The following SBF2 variants were observed in gnomAD, a reference collection of about 807,000 sequenced individuals.
SBF2 encodes the protein SET binding factor 2.
In SBF2, 112 loss-of-function variants were observed where a neutral mutation model predicts 225.2. The ratio of observed to expected loss-of-function variants is 0.50; its 90% CI spans 0.43 to 0.58. The LOEUF is 0.58. Ranked by LOEUF, SBF2 falls within the 20% of genes least tolerant of loss-of-function variation. The pLI is 0.00. For missense variants in SBF2, 1,996 were observed against 2,206.2 expected (o/e 0.90, Z 1.91); for synonymous variants, 763 against 773.3 (o/e 0.99, Z 0.22).
At chr11:10,279,751 G>A (rs1386559570) in intron 1 of SBF2, among the ~76,000 whole-genome samples, 1 of 152,172 alleles carries the variant, frequency 6.6e-6, no homozygotes, top group African/African-American at 2.4e-5. Context: ...CCGGGTTCAA[G>A]TGATTCTACT....
rs563323862 is a variant in SBF2, at chr11:10,073,754, C to T, written c.142-30773G>A. Among the ~76,000 whole-genome samples the T allele has an allele frequency of 3.9e-5, 6 of 152,084 alleles. No individual in the cohort carries two copies. In the South Asian group the frequency reaches 1.2e-3, roughly 32 times the overall value. On this transcript the variant is annotated intron_variant, in intron 2 of 39. Coordinates refer to ENST00000256190, the MANE Select transcript of SBF2 (RefSeq NM_030962.4). Reference sequence around the variant, plus strand: ...AAACAAAAAAAAAGATTTAGGAGACCTATCAACCAAATGCATATGTAGACC... The same window carrying T: ...AAACAAAAAAAAAGATTTAGGAGACTTATCAACCAAATGCATATGTAGACC...
intron 6 of SBF2, among the ~76,000 whole-genome samples, chr11:10,008,404 G>A (rs1219500785): frequency 6.6e-6 from 1 of 152,134 alleles, no homozygotes; most frequent in Non-Finnish European, 1.5e-5. Flanking sequence ...AGCTAGCACT[G>A]GGCCCCAATA....
chr11:10,288,072 G>A (rs1309489777), intron 1 of SBF2, among the ~76,000 whole-genome samples: 1 of 152,222 alleles, frequency 6.6e-6, no homozygotes, highest in African/African-American at 2.4e-5. Context: ...GAAGCTTGAA[G>A]ATGCCAGGAA....
chr11:9,878,987 C>A (rs1021946848), intron 17 of SBF2, among the ~76,000 whole-genome samples: 1 of 152,214 alleles, frequency 6.6e-6, no homozygotes, highest in Non-Finnish European at 1.5e-5. Flanking sequence ...AGAGGAACAA[C>A]TGCAAAGCTG....
chr11:10,081,140 G>A (rs1951348665), intron 2 of SBF2, among the ~76,000 whole-genome samples: 1 of 152,090 alleles, frequency 6.6e-6, no homozygotes. Context: ...TCAACAGATG[G>A]AACATTCTCC....
At chr11:10,125,809 T>C (rs1231683556) in intron 2 of SBF2, among the ~76,000 whole-genome samples, 1 of 152,256 alleles carries the variant, frequency 6.6e-6, no homozygotes, top group Non-Finnish European at 1.5e-5. Flanking sequence ...TGCTCTGTGA[T>C]AATTTCTCAG....
rs907006856 is a variant in SBF2, at chr11:9,959,807, C to T, written c.1860+2150G>A. 5 of 604,594 alleles carry T rather than the reference C, an allele frequency of 8.3e-6. No individual in the cohort carries two copies. In the African/African-American group the frequency reaches 9.3e-5, roughly 11 times the overall value. The allele number at this position is 604,594 out of a possible 1,614,324, so 37.5% of individuals were successfully genotyped here. The stretch of plus-strand genomic sequence containing the variant: ...GTCATGGTGGAAGGTGTTCTGGGCA[C>T]TGAGCAGGCGGGTAGGTAAAGGTAG... On this transcript the variant is annotated intron_variant, in intron 16 of 39. Transcript: ENST00000256190.
intron 32 of SBF2, among the ~76,000 whole-genome samples, chr11:9,803,794 A>G (rs566205582): frequency 1.3e-5 from 2 of 152,312 alleles, no homozygotes; most frequent in African/African-American, 4.8e-5. Flanking sequence ...GGGAGTGGGG[A>G]GAATGGGAGG....
intron 1 of SBF2, among the ~76,000 whole-genome samples, chr11:10,280,904 T>G (rs541959148): frequency 4.6e-5 from 7 of 152,348 alleles, no homozygotes; most frequent in African/African-American, 1.4e-4. Flanking sequence ...ATATAGATTA[T>G]GTGTACAGTT....
At chr11:10,196,216 T>C (rs2135337466) in intron 1 of SBF2, among the ~76,000 whole-genome samples, 1 of 152,322 alleles carries the variant, frequency 6.6e-6, no homozygotes, top group South Asian at 2.1e-4. Flanking sequence ...AATGTTTACT[T>C]TAATAAATTC....
intron 1 of SBF2, among the ~76,000 whole-genome samples, chr11:10,283,485 G>A (rs946148908): frequency 5.3e-5 from 8 of 151,816 alleles, no homozygotes; most frequent in African/African-American, 1.9e-4. Context: ...AAATGCCTAA[G>A]AAACATGTCG....
At chr11:10,185,522 A>G (rs1156920485) in intron 2 of SBF2, among the ~76,000 whole-genome samples, 4 of 152,078 alleles carry the variant, frequency 2.6e-5, no homozygotes, top group Non-Finnish European at 4.4e-5. Flanking sequence ...GGTGCAAATC[A>G]TAGCTCACTG....
At chr11:10,260,700 C>A (rs1227957067) in intron 1 of SBF2, among the ~76,000 whole-genome samples, 11 of 131,484 alleles carry the variant, frequency 8.4e-5, no homozygotes, top group Admixed American at 1.5e-4. Context: ...GAGATTCCAT[C>A]TCAAAAAAAA....
At chr11:9,916,598 C>CTTTTTTTTT (rs538961208) in intron 16 of SBF2, among the ~76,000 whole-genome samples, 1 of 138,752 alleles carries the variant, frequency 7.2e-6, no homozygotes. Context: ...CTTTCTTTTC[C>CTTTTTTTTT]TTTTTTTTCT....
At chr11:9,998,936 T>C (rs892436310) in intron 8 of SBF2, among the ~76,000 whole-genome samples, 1 of 152,202 alleles carries the variant, frequency 6.6e-6, no homozygotes, top group Non-Finnish European at 1.5e-5. Context: ...GCACAGAGGA[T>C]TGCATTTGAG....
chr11:9,845,499 A>C, intron 24 of SBF2, 66 bp downstream of exon 24: 1 of 1,417,998 alleles, frequency 7.1e-7, no homozygotes, highest in Middle Eastern at 1.8e-4. Context: ...GACACAAAGG[A>C]TAGGTTACTC....
At chr11:10,258,695 A>T (rs932086910) in intron 1 of SBF2, among the ~76,000 whole-genome samples, 1 of 152,378 alleles carries the variant, frequency 6.6e-6, no homozygotes, top group African/African-American at 2.4e-5. Flanking sequence ...GTTTTGGATC[A>T]TGTAACTTTA....
chr11:9,921,362 G>T (rs950713491), intron 16 of SBF2, among the ~76,000 whole-genome samples: 6 of 152,144 alleles, frequency 3.9e-5, no homozygotes, highest in African/African-American at 1.4e-4. Flanking sequence ...CAGCCACCGC[G>T]TCCAGCCAGA....
intron 2 of SBF2, 41 bp from the exon 3 acceptor site, chr11:10,043,022 T>C (rs1010645892): frequency 1.3e-6 from 2 of 1,576,218 alleles, no homozygotes; most frequent in Non-Finnish European, 1.7e-6. Context: ...TTAAAAACAA[T>C]AAAAGTTAAT....
Sources: allele counts gnomAD v4.1 joint callset (sites outside exome capture counted in the v4.1 genomes callset), GRCh38; gene constraint gnomAD v4.1.1; transcripts MANE v1.5; gene names NCBI Gene and HGNC (gene_info 2026-07-23, HGNC 2026-07-21).